PCSK6: variants seen among roughly 807,000 people sequenced by gnomAD.
PCSK6 encodes the protein proprotein convertase subtilisin/kexin type 6, also known as paired basic amino acid cleaving enzyme 4.
Under a neutral mutation model 123.3 loss-of-function variants are expected in PCSK6, and 85 were observed. The observed-to-expected ratio is 0.69, with a 90% CI of 0.58 to 0.83. The LOEUF (loss-of-function observed/expected upper bound fraction) is 0.83, where lower values mean the gene tolerates loss of function less well. Among genes scored for constraint, PCSK6 ranks in the 40% least tolerant of loss-of-function variants. The probability of loss-of-function intolerance (pLI) is 0.00; values close to 1 mark genes in which losing one functional copy is unlikely to be tolerated. For synonymous variants in PCSK6, 508 were observed against 516.0 expected, an observed-to-expected ratio of 0.98 and a Z score of 0.21; for missense variants, 1,191 against 1,282.3, an observed-to-expected ratio of 0.93 and a Z score of 1.09.
intron 13 of PCSK6, chr15:101,346,569 C>T (rs550881802): frequency 2.7e-5 from 9 of 333,808 alleles, no homozygotes; most frequent in East Asian, 9.3e-5. Context: ...GTCAAATGTT[C>T]GAAAATCAAA....
intron 12 of PCSK6, among the ~76,000 whole-genome samples, chr15:101,368,465 A>C (rs1175289881): frequency 6.6e-6 from 1 of 152,228 alleles, no homozygotes; most frequent in Non-Finnish European, 1.5e-5. Flanking sequence ...AGGAATAAAG[A>C]GAGGCAAAGG....
At chr15:101,381,979 C>T (rs3784487) in intron 11 of PCSK6, 113 bp downstream of exon 11, 9 of 680,202 alleles carry the variant, frequency 1.3e-5, no homozygotes, top group African/African-American at 7.2e-5. Context: ...ATCGTGCACA[C>T]GCACATGTGC....
At chr15:101,421,052 T>C (rs1175791055) in intron 6 of PCSK6, among the ~76,000 whole-genome samples, 1 of 152,202 alleles carries the variant, frequency 6.6e-6, no homozygotes, top group Non-Finnish European at 1.5e-5. Flanking sequence ...GTTCAAGCAA[T>C]TCTCCTGCCT....
chr15:101,313,499 C>A lies in PCSK6; in HGVS notation c.2576G>T (p.Gly859Val). The A allele has an allele frequency of 6.3e-7, 1 of 1,599,122 alleles. No individual in the cohort carries two copies. Among genetic ancestry groups the A allele is most frequent in the Non-Finnish European group, 8.5e-7 (1 of 1,175,636 alleles). Residue 859 changes from glycine to valine, a missense_variant, in exon 20 of 22, where the codon GGC becomes GTC. Coordinates refer to ENST00000611716, the MANE Select transcript of PCSK6 (RefSeq NM_002570.5). ...HHTCGTCVGP[G>V]REECIHCAKN... is the part of the protein sequence containing the mutation. Reference sequence around the variant, plus strand: ...CGCACAGTGAATGCACTCTTCTCTGCCTGGCCCTGAGAGACACAGGAAAAG... The same window carrying A: ...CGCACAGTGAATGCACTCTTCTCTGACTGGCCCTGAGAGACACAGGAAAAG...
intron 13 of PCSK6, among the ~76,000 whole-genome samples, chr15:101,338,432 C>T (rs1037229726): frequency 9.2e-5 from 14 of 152,188 alleles, no homozygotes; most frequent in African/African-American, 3.1e-4. Flanking sequence ...TCAGTCACCC[C>T]CAAGAGGCCA....
chr15:101,372,125 C>A (rs1369744461), intron 11 of PCSK6, among the ~76,000 whole-genome samples: 6 of 152,182 alleles, frequency 3.9e-5, no homozygotes, highest in African/African-American at 1.4e-4. Flanking sequence ...AGGGTTCATG[C>A]CTCTTTGAAC....
chr15:101,437,639 G>T (rs1246258473), intron 2 of PCSK6, among the ~76,000 whole-genome samples: 2 of 152,246 alleles, frequency 1.3e-5, no homozygotes, highest in Admixed American at 1.3e-4. Flanking sequence ...AGTCATGAGA[G>T]AGGGAAGTCC....
At chr15:101,390,427 C>T (rs969047071) in intron 8 of PCSK6, among the ~76,000 whole-genome samples, 1 of 97,426 alleles carries the variant, frequency 1.0e-5, no homozygotes. Context: ...AGCCAGCCGA[C>T]CTTAAACCAG....
Position 101,307,220 on chromosome 15 carries a change from G to T in PCSK6, c.2805C>A (p.Cys935Ter). 1 of 1,611,932 alleles carries T rather than the reference G, an allele frequency of 6.2e-7. No individual in the cohort carries two copies. Among genetic ancestry groups the T allele is most frequent in the Non-Finnish European group, 8.5e-7 (1 of 1,178,248 alleles). Residue 935 changes from cysteine (C) to a stop codon, truncating the protein, a stop_gained, in exon 21 of 22, where the codon TGC (cysteine) becomes TGA (stop). Coordinates refer to ENST00000611716, the MANE Select transcript of PCSK6 (RefSeq NM_002570.5). LOFTEE classifies it high-confidence loss of function. ...AACCCAGCTGCTGCTCACCGTTGCT[G>T]CACGTGTGGTTGGTGATGCAGGAGG... ...LGTSCITNHT[C>*]SNADETFCEM...
intron 1 of PCSK6, among the ~76,000 whole-genome samples, chr15:101,479,264 C>G (rs1028281062): frequency 6.6e-6 from 1 of 152,198 alleles, no homozygotes; most frequent in African/African-American, 2.4e-5. Context: ...CAGGTTAAAA[C>G]GACAGCAACA....
intron 1 of PCSK6, among the ~76,000 whole-genome samples, chr15:101,444,417 G>A (rs963688345): frequency 3.9e-5 from 6 of 152,148 alleles, no homozygotes; most frequent in Admixed American, 3.3e-4. Context: ...AGGGCTAGTT[G>A]ATCACCATCC....
rs532267001 is a variant in PCSK6 at position 101,460,826 on chromosome 15, T to TA, written c.298-17167dup. Among the ~76,000 whole-genome samples the TA allele has an allele frequency of 5.3e-5, 8 of 151,988 alleles. No homozygotes were observed. The South Asian group carries it at 1.5e-3, about 28-fold the overall frequency. ...GTAAAAGAAAACATCATAATTGGGA[T>TA]AAAAAAATACTTAGAATGGAATGAT... On this transcript the variant is annotated intron_variant, in intron 1 of 21. Coordinates refer to ENST00000611716, the MANE Select transcript of PCSK6 (RefSeq NM_002570.5).
intron 1 of PCSK6, among the ~76,000 whole-genome samples, chr15:101,464,785 G>T (rs890210543): frequency 2.0e-5 from 3 of 152,164 alleles, no homozygotes; most frequent in Non-Finnish European, 4.4e-5. Context: ...ATGCCTGGGG[G>T]AGGGTCAGCG....
chr15:101,457,463 G>A (rs990282525), intron 1 of PCSK6, among the ~76,000 whole-genome samples: 5 of 152,216 alleles, frequency 3.3e-5, no homozygotes, highest in African/African-American at 7.2e-5. Context: ...CTCCCAGGGC[G>A]CAGGCTGGTC....
rs2039711012 is a variant in PCSK6 at position 101,305,829 on chromosome 15, TG to T, written c.2813-475del. On this transcript the variant is annotated intron_variant, in intron 21 of 21. Transcript: ENST00000611716. The surrounding 1 kb of genome is among the most constrained non-coding windows in gnomAD (Gnocchi z 4.8). The stretch of plus-strand genomic sequence containing the variant: ...AGGTGGGCAGCAGGATGGCAGCCCT[TG>T]AAGCCCCTCTCCTGCAATGCACTTG... 1.9e-5 allele frequency: 3 copies of T among 156,686 alleles called. No individual in the cohort carries two copies. The South Asian group carries it at 5.6e-4, about 29-fold the overall frequency. The allele number at this position is 156,686 out of a possible 1,614,324, so 9.7% of individuals were successfully genotyped here.
intron 13 of PCSK6, among the ~76,000 whole-genome samples, chr15:101,352,848 A>G (rs2040932898): frequency 6.6e-6 from 1 of 152,258 alleles, no homozygotes; most frequent in Non-Finnish European, 1.5e-5. Context: ...GAGATATCTC[A>G]GTGATACTGA....
At chr15:101,382,065 G>T in intron 11 of PCSK6, 27 bp downstream of exon 11, 1 of 1,521,742 alleles carries the variant, frequency 6.6e-7, no homozygotes, top group Non-Finnish European at 9.0e-7. Flanking sequence ...TGCCTGAGAA[G>T]TCACCGATGC....
chr15:101,452,161 A>G (rs1183872609), intron 1 of PCSK6, among the ~76,000 whole-genome samples: 1 of 152,256 alleles, frequency 6.6e-6, no homozygotes, highest in Non-Finnish European at 1.5e-5. Context: ...TAAGCTGTTC[A>G]ACATCCTAAA....
intron 6 of PCSK6, among the ~76,000 whole-genome samples, chr15:101,404,938 C>T (rs528027975): frequency 6.6e-6 from 1 of 152,272 alleles, no homozygotes; most frequent in South Asian, 2.1e-4. Context: ...TGCCAGAAGA[C>T]ATCCAAAAAT....
Sources: allele counts gnomAD v4.1 joint callset (sites outside exome capture counted in the v4.1 genomes callset), GRCh38; gene constraint gnomAD v4.1.1; non-coding constraint Gnocchi (gnomAD v3.1); transcripts MANE v1.5; gene names NCBI Gene and HGNC (gene_info 2026-07-23, HGNC 2026-07-21).